DZANK1: variants seen among roughly 807,000 people sequenced by gnomAD.
DZANK1 encodes the protein double zinc ribbon and ankyrin repeat-containing protein 1.
Under a neutral mutation model 94.5 loss-of-function variants are expected in DZANK1, and 91 were observed. The observed-to-expected ratio is 0.96, with a 90% CI of 0.81 to 1.15. The LOEUF (loss-of-function observed/expected upper bound fraction) is 1.15. DZANK1 is among the 50% of genes most tolerant of loss of function. The pLI, the probability that DZANK1 is intolerant of heterozygous loss-of-function variation, is 0.00. For missense variants in DZANK1, 903 were observed against 916.4 expected (o/e 0.99, Z 0.19); for synonymous variants, 312 against 325.3 (o/e 0.96, Z 0.44).
In DZANK1 at chr20:18,423,972, C is replaced by G. The variant is rs561953025; in HGVS notation, c.954+3095G>C. On this transcript the variant is annotated intron_variant, in intron 10 of 20. Transcript: ENST00000262547. ...CAAAAAAATAGAGCAAATGAATTAA[C>G]CAGAAGCTAGTTCTTTGAAAAGATC... Among the ~76,000 whole-genome samples the G allele has an allele frequency of 3.3e-5, 5 of 151,868 alleles. No individual in the cohort carries two copies. The South Asian group carries it at 6.3e-4, about 19-fold the overall frequency.
rs754485172 is a variant in DZANK1, at chr20:18,459,218, GACA to G, written c.263+932_263+934del. On this transcript the variant is annotated intron_variant, in intron 3 of 20. Transcript: ENST00000262547. ...TTGATAGAAGTGGCCTGGCAAGTGT[GACA>G]ACATTTTATAAAGAATAATAACGTG... is the stretch of plus-strand genomic sequence containing the variant. Among the ~76,000 whole-genome samples the G allele has an allele frequency of 5.3e-5, 8 of 152,196 alleles. No individual in the cohort carries two copies. In the East Asian group the frequency reaches 1.2e-3, roughly 22 times the overall value.
intron 14 of DZANK1, among the ~76,000 whole-genome samples, chr20:18,398,110 G>A (rs2056452817): frequency 6.6e-6 from 1 of 152,144 alleles, no homozygotes; most frequent in African/African-American, 2.4e-5. Context: ...TTGCTGTGAA[G>A]GCAAGAATGA....
At chr20:18,454,025 A>G in intron 4 of DZANK1, 198 bp from the exon 5 acceptor site, 2 of 680,372 alleles carry the variant, frequency 2.9e-6, no homozygotes, top group Admixed American at 3.7e-5. Flanking sequence ...CTGGCAGCAC[A>G]TCTGGATGTA....
At chr20:18,401,287 A>G (rs2056664768) in intron 13 of DZANK1, among the ~76,000 whole-genome samples, 1 of 152,148 alleles carries the variant, frequency 6.6e-6, no homozygotes, top group Non-Finnish European at 1.5e-5. Flanking sequence ...AGCACTGAGT[A>G]AGGACCTTGT....
chr20:18,448,866 C>CAA lies in DZANK1; in HGVS notation c.629+116_629+117dup, dbSNP rs1204337584. 1,887 of 471,408 alleles carry CAA rather than the reference C, an allele frequency of 4.0e-3. 7 individuals are homozygous for CAA. Among genetic ancestry groups the CAA allele is most frequent in the Admixed American group, 0.028 (631 of 22,146 alleles). The allele number at this position is 471,408 out of a possible 1,614,324, so 29.2% of individuals were successfully genotyped here. On this transcript the variant is annotated intron_variant, in intron 7 of 20. Coordinates refer to ENST00000262547, the Ensembl canonical transcript of DZANK1. ...AGGGTGACAGAGTGAGACTCCGTCT[C>CAA]AAAAAAAAAAAAAAAAAAAAGTTGG... is the stretch of plus-strand genomic sequence containing the variant.
exon 18 of DZANK1, chr20:18,390,405 A>G: frequency 1.2e-6 from 2 of 1,613,970 alleles, no homozygotes; most frequent in Non-Finnish European, 1.7e-6. Context: ...TCAATCACAG[A>G]GACTCTTCCT....
intron 13 of DZANK1, among the ~76,000 whole-genome samples, chr20:18,398,971 A>G (rs2056516843): frequency 6.6e-6 from 1 of 152,132 alleles, no homozygotes; most frequent in Non-Finnish European, 1.5e-5. Context: ...GCCTCTACTA[A>G]TAATATAAAA....
At chr20:18,455,627 T>C (rs2148781310) in intron 3 of DZANK1, among the ~76,000 whole-genome samples, 1 of 152,340 alleles carries the variant, frequency 6.6e-6, no homozygotes, top group Middle Eastern at 3.4e-3. Flanking sequence ...AGGTCTCATT[T>C]GAGCTCTTCC....
intron 10 of DZANK1, 73 bp downstream of exon 10, chr20:18,426,994 T>G: frequency 8.6e-7 from 1 of 1,159,354 alleles, no homozygotes; most frequent in Non-Finnish European, 1.2e-6. Flanking sequence ...CTCGGCAGAT[T>G]CTGTTTCTCT....
intron 7 of DZANK1, among the ~76,000 whole-genome samples, chr20:18,444,018 T>C (rs1358678270): frequency 6.6e-6 from 1 of 152,174 alleles, no homozygotes; most frequent in South Asian, 2.1e-4. Context: ...TCTAAATGGG[T>C]TCTGGCTATC....
chr20:18,427,032 A>G, intron 10 of DZANK1, 35 bp downstream of exon 10: 1 of 1,481,802 alleles, frequency 6.7e-7, no homozygotes, highest in Non-Finnish European at 9.3e-7. Context: ...CATAGTAGCC[A>G]CTAAATATAG....
At chr20:18,452,705 A>AG (rs752675216) in intron 5 of DZANK1, 2 of 1,601,290 alleles carry the variant, frequency 1.2e-6, no homozygotes, top group African/African-American at 2.7e-5. Flanking sequence ...GATCTTTCAA[A>AG]GTTTTAGGGT....
chr20:18,406,260 G>C (rs374444418), intron 13 of DZANK1, among the ~76,000 whole-genome samples: 3 of 152,354 alleles, frequency 2.0e-5, no homozygotes, highest in African/African-American at 7.2e-5. Context: ...TCCAACTCCA[G>C]GCAGTGCAGC....
At chr20:18,433,875 C>T in intron 8 of DZANK1, 110 bp from the exon 9 acceptor site, 1 of 857,346 alleles carries the variant, frequency 1.2e-6, no homozygotes, top group East Asian at 2.7e-5. Context: ...CATTCCCGAT[C>T]TCATCTGATC....
intron 13 of DZANK1, among the ~76,000 whole-genome samples, chr20:18,402,612 G>A (rs2056744932): frequency 2.0e-5 from 3 of 151,972 alleles, no homozygotes. Context: ...CCCACATTAA[G>A]GGCTGAACAG....
chr20:18,389,513 A>T (rs183659200), intron 19 of DZANK1, among the ~76,000 whole-genome samples, 188 bp downstream of exon 19: 7 of 152,354 alleles, frequency 4.6e-5, no homozygotes, highest in Admixed American at 3.9e-4. Flanking sequence ...GTCCATTTTT[A>T]AAATTTCGCT....
At chr20:18,428,829 T>C (rs897668746) in intron 9 of DZANK1, 1 of 152,228 alleles carries the variant, frequency 6.6e-6, no homozygotes, top group African/African-American at 2.4e-5. Flanking sequence ...GGTAGCTCTA[T>C]GGAGTCTCAG....
At chr20:18,404,200 G>A (rs2056837945) in intron 13 of DZANK1, among the ~76,000 whole-genome samples, 2 of 151,958 alleles carry the variant, frequency 1.3e-5, no homozygotes, top group East Asian at 3.9e-4. Flanking sequence ...TTCTTCTAGT[G>A]CGGCCCAGGG....
At chr20:18,458,309 T>G (rs1252212980) in intron 3 of DZANK1, among the ~76,000 whole-genome samples, 1 of 152,222 alleles carries the variant, frequency 6.6e-6, no homozygotes, top group Non-Finnish European at 1.5e-5. Context: ...TTGTTGTTTT[T>G]TTTAAAGAAG....
Sources: gnomAD v4.1 joint callset for allele counts (sites outside exome capture counted in the v4.1 genomes callset) on GRCh38, gnomAD v4.1.1 for gene constraint, MANE v1.5 for transcripts, NCBI Gene and HGNC (gene_info 2026-07-23, HGNC 2026-07-21) for gene names.